Variants in RBFOX1 observed in about 807,000 individuals in gnomAD.
RBFOX1 encodes the protein RNA binding protein fox-1 homolog 1.
RBFOX1 carries 8 observed loss-of-function variants against 57.7 expected under a neutral mutation model. That is an observed-to-expected ratio of 0.14 (90% CI 0.08 to 0.25). The LOEUF (loss-of-function observed/expected upper bound fraction) is 0.25. RBFOX1 is among the 10% of genes least tolerant of loss of function. RBFOX1 has a pLI of 1.00. For synonymous variants in RBFOX1, 326 were observed against 222.4 expected (o/e 1.47, Z -4.15); for missense variants, 611 against 548.5 (o/e 1.11, Z -1.14).
At position 6,500,438 on chromosome 16, in the gene RBFOX1, A is replaced by T. The variant is rs75199057; in HGVS notation, c.-63-154165A>T. Among the ~76,000 whole-genome samples the T allele has an allele frequency of 8.0e-3, 1,212 of 152,320 alleles. 7 individuals carry two copies. The highest frequency in any genetic ancestry group is 0.012 in the Non-Finnish European group (833 of 68,034). ...GATATTGTTAAGTCACACAAAGCAC[A>T]GTGACTCCAAATTGCAGCTCCAACA... On this transcript the variant is annotated intron_variant, in intron 2 of 15. Transcript: ENST00000550418.
rs569109365 is a variant in RBFOX1 at position 6,986,967 on chromosome 16, G to A, written c.-15-65090G>A. On this transcript the variant is annotated intron_variant, in intron 3 of 15. Coordinates refer to ENST00000550418, the MANE Select transcript of RBFOX1 (RefSeq NM_018723.4). Reference sequence around the variant, plus strand: ...GCCTGCATTCCCTACCCATGCTTTCGAATGCCATTTATTGTGTTTGCCAGG... The same window carrying A: ...GCCTGCATTCCCTACCCATGCTTTCAAATGCCATTTATTGTGTTTGCCAGG... 1.2e-3 allele frequency among the ~76,000 whole-genome samples: 184 copies of A among 152,174 alleles called. 1 individual carries two copies. The highest frequency in any genetic ancestry group is 2.1e-3 in the Non-Finnish European group (141 of 68,006).
chr16:7,049,655 T>C (rs763128763), intron 3 of RBFOX1, among the ~76,000 whole-genome samples: 9 of 152,102 alleles, frequency 5.9e-5, no homozygotes, highest in South Asian at 2.1e-4. Context: ...TCACCACTTA[T>C]GTGGCGGTAC....
At chr16:5,486,068 C>G (rs928271118) in intron 2 of RBFOX1, among the ~76,000 whole-genome samples, 1 of 152,186 alleles carries the variant, frequency 6.6e-6, no homozygotes, top group Admixed American at 6.5e-5. Flanking sequence ...TTTGACAATT[C>G]TTTTCTCTCC....
chr16:7,072,331 C>G (rs538716573), intron 4 of RBFOX1, among the ~76,000 whole-genome samples: 48 of 152,300 alleles, frequency 3.2e-4, no homozygotes, highest in African/African-American at 1.1e-3. Flanking sequence ...TATCACCTTC[C>G]TTACGCTTAC....
chr16:5,502,821 T>A (rs11076917), intron 2 of RBFOX1, among the ~76,000 whole-genome samples: 1 of 152,058 alleles, frequency 6.6e-6, no homozygotes, highest in African/African-American at 2.4e-5. Context: ...CTCTTCCGCG[T>A]CTCAGGGGAC....
chr16:7,390,662 T>TGG (rs2097990734), intron 4 of RBFOX1, among the ~76,000 whole-genome samples: 1 of 152,216 alleles, frequency 6.6e-6, no homozygotes, highest in African/African-American at 2.4e-5. Context: ...TTTATAAATT[T>TGG]GGTGATTTTT....
chr16:7,135,722 A>T (rs1042771583), intron 4 of RBFOX1, among the ~76,000 whole-genome samples: 1 of 152,242 alleles, frequency 6.6e-6, no homozygotes. Flanking sequence ...AATTTTACCA[A>T]TTTAACCCTG....
chr16:6,985,515 T>A (rs963769031), intron 3 of RBFOX1, among the ~76,000 whole-genome samples: 5 of 152,104 alleles, frequency 3.3e-5, no homozygotes, highest in Admixed American at 3.3e-4. Flanking sequence ...ACACTATGTG[T>A]GGAAAATACT....
At chr16:6,851,292 CAGT>C (rs1161004953) in intron 3 of RBFOX1, among the ~76,000 whole-genome samples, 1 of 151,986 alleles carries the variant, frequency 6.6e-6, no homozygotes, top group African/African-American at 2.4e-5. Flanking sequence ...TGTGGAGTGA[CAGT>C]AGGGTGTGGT....
At chr16:6,353,882 A>G (rs1279186306) in intron 2 of RBFOX1, among the ~76,000 whole-genome samples, 1 of 152,160 alleles carries the variant, frequency 6.6e-6, no homozygotes, top group African/African-American at 2.4e-5. Context: ...GCCTTCAGTG[A>G]AGAACTTGTT....
At chr16:6,192,501 C>T (rs1040175361) in intron 1 of RBFOX1, among the ~76,000 whole-genome samples, 1 of 152,104 alleles carries the variant, frequency 6.6e-6, no homozygotes. Flanking sequence ...CACCCCCATA[C>T]ACATGCACAG....
intron 1 of RBFOX1, among the ~76,000 whole-genome samples, chr16:5,461,745 G>A (rs1011294180): frequency 2.0e-5 from 3 of 152,166 alleles, no homozygotes; most frequent in Non-Finnish European, 4.4e-5. Context: ...TAGCCTGCTG[G>A]CAGGGTGGAT....
intron 4 of RBFOX1, among the ~76,000 whole-genome samples, chr16:7,136,914 G>C (rs189411533): frequency 6.6e-6 from 1 of 152,284 alleles, no homozygotes; most frequent in African/African-American, 2.4e-5. Flanking sequence ...GCATCTAGAA[G>C]TTTGCGCTGG....
intron 11 of RBFOX1, among the ~76,000 whole-genome samples, chr16:7,637,974 A>C (rs547872628): frequency 9.8e-5 from 15 of 152,362 alleles, no homozygotes; most frequent in Non-Finnish European, 1.8e-4. Flanking sequence ...TTAAGATCCC[A>C]TATGGCTTAA....
intron 5 of RBFOX1, among the ~76,000 whole-genome samples, chr16:7,565,082 G>T (rs9939867): frequency 6.6e-6 from 1 of 152,176 alleles, no homozygotes; most frequent in African/African-American, 2.4e-5. Flanking sequence ...GGATCTGCAC[G>T]AGCCCCGTTT....
chr16:7,420,884 T>TATATATATATATACACACATATATATAC (rs1347331961), intron 4 of RBFOX1, among the ~76,000 whole-genome samples: 17 of 83,740 alleles, frequency 2.0e-4, no homozygotes, highest in East Asian at 1.6e-3. Context: ...TCTTTTAAAA[T>TATATATATATATACACACATATATATAC]ATATATATAT....
intron 4 of RBFOX1, among the ~76,000 whole-genome samples, chr16:7,433,485 A>G (rs1339578376): frequency 6.6e-6 from 1 of 152,260 alleles, no homozygotes; most frequent in East Asian, 1.9e-4. Flanking sequence ...GACTGAGTCC[A>G]TAATGCTGTG....
At chr16:7,444,476 C>G (rs1197280810) in intron 4 of RBFOX1, among the ~76,000 whole-genome samples, 1 of 152,070 alleles carries the variant, frequency 6.6e-6, no homozygotes, top group Non-Finnish European at 1.5e-5. Flanking sequence ...GCAAAGGCAG[C>G]TTTATAAATA....
At chr16:7,117,023 G>T (rs1440267370) in intron 4 of RBFOX1, among the ~76,000 whole-genome samples, 2 of 152,114 alleles carry the variant, frequency 1.3e-5, no homozygotes, top group Non-Finnish European at 2.9e-5. Flanking sequence ...AAGAGTTAGG[G>T]AAGTGAAGAC....
Sources: gnomAD v4.1 joint callset for allele counts (sites outside exome capture counted in the v4.1 genomes callset) on GRCh38, gnomAD v4.1.1 for gene constraint, MANE v1.5 for transcripts, NCBI Gene and HGNC (gene_info 2026-07-23, HGNC 2026-07-21) for gene names.